The following ATP11C variants were observed in gnomAD, a reference collection of about 807,000 sequenced individuals.
ATP11C encodes phospholipid-transporting ATPase IG.
ATP11C carries 36 observed loss-of-function variants against 97.4 expected under a neutral mutation model. The observed-to-expected ratio is 0.37, with a 90% CI of 0.28 to 0.49. The LOEUF (loss-of-function observed/expected upper bound fraction) is 0.49. Among genes scored for constraint, ATP11C ranks in the 20% least tolerant of loss-of-function variants. ATP11C has a pLI of 0.98. For synonymous variants in ATP11C, 275 were observed against 290.9 expected, an observed-to-expected ratio of 0.95 and a Z score of 0.56; for missense variants, 730 against 824.6, an observed-to-expected ratio of 0.89 and a Z score of 1.40.
intron 12 of ATP11C, among the ~76,000 whole-genome samples, chrX:139,794,404 AC>A (rs2082752185): frequency 8.9e-6 from 1 of 112,285 alleles, no homozygotes; most frequent in African/African-American, 3.2e-5. Flanking sequence ...GGCCTAAGAA[AC>A]CATTTCAAGA....
chrX:139,822,919 G>A (rs1397290724), intron 2 of ATP11C, among the ~76,000 whole-genome samples: 3 of 110,479 alleles, frequency 2.7e-5, no homozygotes, highest in African/African-American at 9.9e-5. Context: ...TATTTATACA[G>A]AAAATGCCAG....
At chrX:139,863,208 G>GT in intron 1 of ATP11C, among the ~76,000 whole-genome samples, 1 of 112,517 alleles carries the variant, frequency 8.9e-6, no homozygotes, top group East Asian at 2.8e-4. Context: ...AAACACATTT[G>GT]TTTTTAATCA....
chrX:139,808,128 T>A (rs919928420), intron 5 of ATP11C, among the ~76,000 whole-genome samples: 2 of 111,072 alleles, frequency 1.8e-5, no homozygotes, highest in Non-Finnish European at 3.8e-5. Context: ...ACTAGTGGAC[T>A]GGGTACAACA....
In ATP11C at chrX:139,802,498, TATTATGAA is replaced by T. The variant is rs768740474; in HGVS notation, c.556-167_556-160del. On this transcript the variant is annotated intron_variant, in intron 6 of 29. Coordinates refer to ENST00000682941, the MANE Select transcript of ATP11C (RefSeq NM_001353812.2). ...TTCCCACTAATAAGTTTTATGGTAT[TATTATGAA>T]AATATATTACAAATAATTAGAAAGA... Among the ~76,000 whole-genome samples, 364 of 112,358 alleles carry T rather than the reference TATTATGAA, an allele frequency of 3.2e-3. 4 individuals are homozygous for T. The highest frequency in any genetic ancestry group is 0.011 in the African/African-American group (328 of 30,990).
At chrX:139,757,919 C>A in intron 22 of ATP11C, 52 bp from the exon 23 acceptor site, 1 of 843,473 alleles carries the variant, frequency 1.2e-6, no homozygotes, top group Admixed American at 3.0e-5. Context: ...AATCAACTTG[C>A]TAAACTAAAA....
At chrX:139,900,156 G>A (rs745613454) in intron 1 of ATP11C, among the ~76,000 whole-genome samples, 1 of 111,071 alleles carries the variant, frequency 9.0e-6, no homozygotes. Context: ...GGATCACGAA[G>A]TCGAGAGATC....
Position 139,770,640 on chromosome X carries a change from G to A in ATP11C, c.2217-2206C>T, listed in dbSNP as rs748407628. 6.2e-3 allele frequency among the ~76,000 whole-genome samples: 686 copies of A among 110,831 alleles called. 2 individuals carry two copies. The highest frequency in any genetic ancestry group is 8.8e-3 in the Non-Finnish European group (463 of 52,839). ...ATGGGGGTATGAATATGGCTTGGGG[G>A]CTGATTTGAAGGGGAAAGGGCAAAG... On this transcript the variant is annotated intron_variant, in intron 19 of 29. Coordinates refer to ENST00000682941, the MANE Select transcript of ATP11C (RefSeq NM_001353812.2).
At chrX:139,848,535 G>A (rs73243385) in intron 1 of ATP11C, among the ~76,000 whole-genome samples, 2,615 of 108,585 alleles carry the variant, frequency 0.024, 50 homozygotes, top group East Asian at 0.12. Context: ...TGTTGCCCAG[G>A]TTGGAGTGCA....
intron 1 of ATP11C, among the ~76,000 whole-genome samples, chrX:139,922,798 G>GT (rs2085288387): frequency 9.0e-6 from 1 of 111,160 alleles, no homozygotes; most frequent in South Asian, 3.8e-4. Flanking sequence ...GTTTTGTTTT[G>GT]TTTTTTTGAG....
Position 139,757,870 on chromosome X carries a change from G to C in ATP11C, c.2641-3C>G. ...TGTGGCAAAATGAAACAAAGGTTCT[G>C]AAAAAAAAAAATTAAGACAAGGATT... On this transcript the variant is annotated splice_region_variant and splice_polypyrimidine_tract_variant and intron_variant, in intron 22 of 29. Coordinates refer to ENST00000682941, the MANE Select transcript of ATP11C (RefSeq NM_001353812.2). 1.0e-6 allele frequency: 1 copy of C among 979,351 alleles called. No individual in the cohort carries two copies. Among genetic ancestry groups the C allele is most frequent in the Non-Finnish European group, 1.4e-6 (1 of 731,446 alleles). 80.7% of individuals were successfully genotyped at this position (979,351 alleles called of 1,213,427 possible).
chrX:139,774,937 C>A lies in ATP11C; in HGVS notation c.1969G>T (p.Ala657Ser). The A allele has an allele frequency of 8.3e-7, 1 of 1,204,433 alleles. No homozygotes were observed. Among genetic ancestry groups the A allele is most frequent in the Non-Finnish European group, 1.1e-6 (1 of 891,956 alleles). ...GCATGCAGAGCTTCAATGGTCTCTG[C>A]AGCTTGATCTTGTAGCCTGGGAACA... ...AVEDKLQDQA[A>S]ETIEALHAAG... is the part of the protein sequence containing the mutation. Residue 657 changes from alanine (A) to serine (S), a missense_variant, in exon 19 of 30, where the codon GCA becomes TCA. Ala to Ser is a moderately conservative substitution (Grantham distance 99). Coordinates refer to ENST00000682941, the MANE Select transcript of ATP11C (RefSeq NM_001353812.2).
In ATP11C at chrX:139,728,671, T is replaced by C. The variant is rs772640075; in HGVS notation, c.*295A>G. The C allele has an allele frequency of 1.4e-4, 45 of 316,900 alleles. No homozygotes were observed. The highest frequency in any genetic ancestry group is 2.3e-4 in the Non-Finnish European group (41 of 178,725). 26.1% of individuals were successfully genotyped at this position (316,900 alleles called of 1,213,427 possible). A position where few individuals can be genotyped will look rare whatever the true frequency, so the allele number is the denominator to read the frequency against. ...AGCACCCATTTGAGTTATATTACTCTAACTAAAGCCAGAATTCTAAGTATT... is the reference window on the plus strand; with the variant it reads ...AGCACCCATTTGAGTTATATTACTCCAACTAAAGCCAGAATTCTAAGTATT... On this transcript the variant is annotated 3_prime_UTR_variant, in exon 30 of 30. Transcript: ENST00000682941.
rs148065033 is a variant in ATP11C at position 139,812,792 on chromosome X, T to A, written c.426+2086A>T. Among the ~76,000 whole-genome samples, 357 of 111,789 alleles carry A rather than the reference T, an allele frequency of 3.2e-3. 1 individual carries two copies. The highest frequency in any genetic ancestry group is 0.011 in the African/African-American group (333 of 30,780). On this transcript the variant is annotated intron_variant, in intron 5 of 29. Coordinates refer to ENST00000682941, the MANE Select transcript of ATP11C (RefSeq NM_001353812.2). ...AACTTGGCCTCCCAGAGTGCTGGGA[T>A]TACAGGCGTAAGCCACTGTACTCAG...
chrX:139,777,827 C>T (rs1378118491), intron 18 of ATP11C, among the ~76,000 whole-genome samples: 1 of 108,865 alleles, frequency 9.2e-6, no homozygotes, highest in Non-Finnish European at 1.9e-5. Context: ...AATTTCTCAG[C>T]AGAAATCTTA....
At chrX:139,744,514 G>C (rs1177010954) in intron 25 of ATP11C, among the ~76,000 whole-genome samples, 1 of 112,083 alleles carries the variant, frequency 8.9e-6, no homozygotes, top group Non-Finnish European at 1.9e-5. Flanking sequence ...TCGACTATAG[G>C]AGAGTATCTG....
At chrX:139,896,554 C>G (rs1354095638) in intron 1 of ATP11C, among the ~76,000 whole-genome samples, 2 of 81,541 alleles carry the variant, frequency 2.5e-5, no homozygotes, top group African/African-American at 1.3e-4. Flanking sequence ...TATACACACA[C>G]ACACACACAC....
chrX:139,730,464 A>T (rs1242736263), intron 29 of ATP11C, among the ~76,000 whole-genome samples: 2 of 111,922 alleles, frequency 1.8e-5, no homozygotes, highest in African/African-American at 6.5e-5. Flanking sequence ...AAAGATGCTA[A>T]CTGTGGCAAA....
intron 18 of ATP11C, among the ~76,000 whole-genome samples, chrX:139,780,354 G>C (rs2082426333): frequency 9.0e-6 from 1 of 111,511 alleles, no homozygotes; most frequent in South Asian, 3.7e-4. Flanking sequence ...AACTCATCAT[G>C]ATCAAACGGG....
intron 6 of ATP11C, 111 bp from the exon 7 acceptor site, chrX:139,802,450 G>A: frequency 2.4e-6 from 1 of 411,608 alleles, no homozygotes; most frequent in Non-Finnish European, 4.3e-6. Flanking sequence ...AGAGGCTTTG[G>A]CAGAATAAAC....
Sources: allele counts gnomAD v4.1 joint callset (sites outside exome capture counted in the v4.1 genomes callset), GRCh38; gene constraint gnomAD v4.1.1; transcripts MANE v1.5; gene names NCBI Gene and HGNC (gene_info 2026-07-23, HGNC 2026-07-21).